Variants in COL22A1 observed in about 807,000 individuals in gnomAD.
The protein encoded by COL22A1 is collagen type XXII alpha 1 chain.
A neutral mutation model predicts 248.9 loss-of-function variants in COL22A1; 221 were observed. That is an observed-to-expected ratio of 0.89 (90% confidence interval 0.80 to 0.99). The LOEUF (loss-of-function observed/expected upper bound fraction) is 0.99. Among genes scored for constraint, COL22A1 ranks in the 50% least tolerant of loss-of-function variants. COL22A1 has a pLI of 0.00. For synonymous variants in COL22A1, 891 were observed against 793.4 expected (o/e 1.12, Z -2.07); for missense variants, 2,240 against 2,179.0 (o/e 1.03, Z -0.56).
At chr8:138,853,774 C>T (rs1821811478) in intron 3 of COL22A1, among the ~76,000 whole-genome samples, 1 of 152,180 alleles carries the variant, frequency 6.6e-6, no homozygotes, top group Admixed American at 6.5e-5. Flanking sequence ...CACACCATGA[C>T]CTCCAGCAGC....
intron 3 of COL22A1, among the ~76,000 whole-genome samples, chr8:138,871,400 C>T (rs1224960533): frequency 3.3e-5 from 5 of 152,170 alleles, no homozygotes; most frequent in Admixed American, 3.3e-4. Flanking sequence ...TCCCTGTTCC[C>T]CGGGCCTGGA....
At chr8:138,902,010 C>T (rs541567969) in intron 1 of COL22A1, among the ~76,000 whole-genome samples, 19 of 152,120 alleles carry the variant, frequency 1.2e-4, no homozygotes, top group African/African-American at 4.6e-4. Flanking sequence ...CGGGCTGGTG[C>T]CCAGCAGAGA....
intron 56 of COL22A1, among the ~76,000 whole-genome samples, chr8:138,611,080 CT>C (rs1414861223): frequency 6.6e-6 from 1 of 152,152 alleles, no homozygotes; most frequent in Non-Finnish European, 1.5e-5. Flanking sequence ...AAAGAAGTCA[CT>C]TCGCTTTCCC....
rs752294561 is a variant in COL22A1, at chr8:138,606,448, T to G, written c.4037A>C (p.Gln1346Pro). 6.2e-7 allele frequency: 1 copy of G among 1,613,544 alleles called. No homozygotes were observed. Among genetic ancestry groups the G allele is most frequent in the East Asian group, 2.2e-5 (1 of 44,862 alleles). Residue 1346 changes from glutamine to proline, a missense_variant, in exon 58 of 65, where the codon CAG (glutamine) becomes CCG (proline). Physicochemically the swap from Gln to Pro is moderately conservative, Grantham distance 76. Transcript: ENST00000303045. ...GEPGPSGTPG[Q>P]KGSKGENGSP... Reference sequence around the variant, plus strand: ...GCCATTTTCCCCTTTGCTTCCTTTCTGGCCCTGCAAAGAGAAAACTGAGAA... The same window carrying G: ...GCCATTTTCCCCTTTGCTTCCTTTCGGGCCCTGCAAAGAGAAAACTGAGAA...
At chr8:138,826,507 G>T in intron 6 of COL22A1, 151 bp downstream of exon 6, 1 of 742,592 alleles carries the variant, frequency 1.3e-6, no homozygotes, top group Non-Finnish European at 2.2e-6. Context: ...CATCCCCCCT[G>T]CAGGTCCTCT....
intron 10 of COL22A1, among the ~76,000 whole-genome samples, chr8:138,805,692 TGATGGTGTGG>T (rs1353153414): frequency 6.8e-6 from 1 of 147,050 alleles, no homozygotes; most frequent in Non-Finnish European, 1.5e-5. Flanking sequence ...TATGTGTTTG[TGATGGTGTGG>T]GATGGTGTGT....
intron 35 of COL22A1, 48 bp from the exon 36 acceptor site, chr8:138,690,922 T>G (rs189904274): frequency 6.7e-7 from 1 of 1,491,742 alleles, no homozygotes; most frequent in African/African-American, 1.4e-5. Flanking sequence ...TGATTAGAAG[T>G]AGTTGCCCCC....
intron 16 of COL22A1, among the ~76,000 whole-genome samples, chr8:138,771,365 A>G (rs1834354068): frequency 1.3e-5 from 2 of 152,218 alleles, no homozygotes; most frequent in Non-Finnish European, 2.9e-5. Flanking sequence ...AGAAATGAGG[A>G]GTTTCTGGAT....
rs1823721480 is a variant in COL22A1 at position 138,660,482 on chromosome 8, T to G, written c.3241-2A>C. The G allele has an allele frequency of 6.2e-7, 1 of 1,613,130 alleles. No homozygotes were observed. The highest frequency in any genetic ancestry group is 2.2e-5 in the East Asian group (1 of 44,872). On this transcript the variant is annotated splice_acceptor_variant, in intron 43 of 64. Coordinates refer to ENST00000303045, the MANE Select transcript of COL22A1 (RefSeq NM_152888.3). LOFTEE classifies it high-confidence loss of function. ...TTCTCCTGGATTTCCTGGTGCACCC[T>G]AAGAGAAGAAGGAAATAAAACATTA...
intron 43 of COL22A1, among the ~76,000 whole-genome samples, chr8:138,660,979 CACACACATACACACATACACAT>C (rs1823872785): frequency 2.2e-5 from 3 of 137,848 alleles, no homozygotes; most frequent in African/African-American, 8.8e-5. Context: ...CACACATACA[CACACACATACACACATACACAT>C]ACACAGACAC....
intron 56 of COL22A1, among the ~76,000 whole-genome samples, chr8:138,613,636 G>A (rs571944842): frequency 1.1e-4 from 16 of 151,488 alleles, no homozygotes; most frequent in African/African-American, 3.6e-4. Flanking sequence ...GCAGTGCCCC[G>A]TGGCACCTTT....
At chr8:138,712,151 C>T (rs967517996) in intron 30 of COL22A1, among the ~76,000 whole-genome samples, 5 of 152,190 alleles carry the variant, frequency 3.3e-5, no homozygotes. Flanking sequence ...TCTTTAACAA[C>T]TCTGAGGGTC....
intron 30 of COL22A1, among the ~76,000 whole-genome samples, chr8:138,704,501 C>G (rs564175135): frequency 1.3e-5 from 2 of 152,300 alleles, no homozygotes; most frequent in African/African-American, 4.8e-5. Context: ...GCTGCTGATA[C>G]CCAGGCAAAC....
chr8:138,655,158 C>T (rs1186033305), intron 45 of COL22A1, among the ~76,000 whole-genome samples: 1 of 152,134 alleles, frequency 6.6e-6, no homozygotes, highest in Non-Finnish European at 1.5e-5. Context: ...TGCTGAATAA[C>T]ACAACAAATA....
intron 30 of COL22A1, among the ~76,000 whole-genome samples, chr8:138,711,812 G>C (rs12544002): frequency 0.92 from 140,572 of 152,196 alleles, 65,387 homozygotes; most frequent in Non-Finnish European, 0.98. Flanking sequence ...GGATGCAAGA[G>C]CCCTCTGGGT....
intron 54 of COL22A1, 51 bp downstream of exon 54, chr8:138,616,863 G>C: frequency 1.2e-6 from 2 of 1,605,302 alleles, no homozygotes; most frequent in Non-Finnish European, 1.7e-6. Context: ...TGTCTGGGAA[G>C]TGTAAGCTCT....
At chr8:138,807,852 T>C in intron 9 of COL22A1, 40 bp from the exon 10 acceptor site, 1 of 1,604,416 alleles carries the variant, frequency 6.2e-7, no homozygotes, top group East Asian at 2.2e-5. Flanking sequence ...GTTTCTATTT[T>C]AATTTTCCCT....
Position 138,878,237 on chromosome 8 carries a change from G to GA in COL22A1, c.170dup (p.Arg58ProfsTer162). 1 of 1,592,444 alleles carries GA rather than the reference G, an allele frequency of 6.3e-7. No individual in the cohort carries two copies. Among genetic ancestry groups the GA allele is most frequent in the Non-Finnish European group, 8.6e-7 (1 of 1,169,322 alleles). On this transcript the variant is annotated frameshift_variant, in exon 3 of 65. Coordinates refer to ENST00000303045, the MANE Select transcript of COL22A1 (RefSeq NM_152888.3). LOFTEE classifies it high-confidence loss of function. ...CCACCAGGTTGGCCACCCACTGCCG[G>GA]ACCTTCTCAAAGTCCTCCTTGCCCA...
intron 45 of COL22A1, among the ~76,000 whole-genome samples, chr8:138,650,173 C>A (rs1421825443): frequency 6.6e-6 from 1 of 152,110 alleles, no homozygotes; most frequent in Non-Finnish European, 1.5e-5. Flanking sequence ...CATGCTCTGT[C>A]CCTGATGTTA....
Sources: gnomAD v4.1 joint callset for allele counts (sites outside exome capture counted in the v4.1 genomes callset) on GRCh38, gnomAD v4.1.1 for gene constraint, MANE v1.5 for transcripts, NCBI Gene and HGNC (gene_info 2026-07-23, HGNC 2026-07-21) for gene names.